The following CCDC83 variants were observed in gnomAD, a reference collection of about 807,000 sequenced individuals.
CCDC83 encodes the protein coiled-coil domain containing 83.
A neutral mutation model predicts 50.1 loss-of-function variants in CCDC83; 54 were observed. The ratio of observed to expected loss-of-function variants is 1.08; its 90% CI spans 0.87 to 1.35. CCDC83 has a LOEUF of 1.35. CCDC83 is among the 40% of genes most tolerant of loss of function. CCDC83 has a pLI of 0.00. For synonymous variants in CCDC83, 161 were observed against 153.3 expected (o/e 1.05, Z -0.37); for missense variants, 518 against 473.9 (o/e 1.09, Z -0.86).
intron 10 of CCDC83, 157 bp downstream of exon 10, chr11:85,916,390 C>A (rs1019607174): frequency 1.2e-5 from 8 of 646,254 alleles, no homozygotes; most frequent in East Asian, 2.8e-5. Context: ...CATTTGGATA[C>A]CATTTTCACT....
intron 5 of CCDC83, among the ~76,000 whole-genome samples, chr11:85,890,910 C>T (rs1402523408): frequency 6.6e-6 from 1 of 152,152 alleles, no homozygotes; most frequent in Non-Finnish European, 1.5e-5. Flanking sequence ...TTTTATTGAG[C>T]AGAAGTCAAT....
intron 3 of CCDC83, among the ~76,000 whole-genome samples, chr11:85,873,671 G>A (rs760137961): frequency 6.6e-6 from 1 of 152,122 alleles, no homozygotes; most frequent in Non-Finnish European, 1.5e-5. Flanking sequence ...TTTTCAGAGA[G>A]TATGCGTATG....
intron 2 of CCDC83, among the ~76,000 whole-genome samples, chr11:85,866,645 C>A (rs527991590): frequency 6.7e-6 from 1 of 149,552 alleles, no homozygotes; most frequent in African/African-American, 2.5e-5. Flanking sequence ...CAGAGAGGGA[C>A]CCTGTCTCAA....
chr11:85,911,238 G>A, intron 7 of CCDC83, 43 bp from the exon 8 acceptor site: 1 of 1,405,670 alleles, frequency 7.1e-7, no homozygotes, highest in South Asian at 1.5e-5. Flanking sequence ...TAATAGAACT[G>A]AATCAATAAG....
At position 85,883,049 on chromosome 11, in the gene CCDC83, C is replaced by G. The variant is rs372505326; in HGVS notation, c.343+374C>G. On this transcript the variant is annotated intron_variant, in intron 4 of 10. Transcript: ENST00000342404. The stretch of plus-strand genomic sequence containing the variant: ...CCTCCCACCTCAGCCTCCCAAGTAG[C>G]TGGGACTCCAGGTGCACACCACTAT... Among the ~76,000 whole-genome samples the G allele has an allele frequency of 5.6e-4, 86 of 152,244 alleles. 1 individual carries two copies. The highest frequency in any genetic ancestry group is 6.8e-3 in the Middle Eastern group (2 of 294).
At chr11:85,912,613 A>G in intron 8 of CCDC83, 1 of 1,262,548 alleles carries the variant, frequency 7.9e-7, no homozygotes, top group Non-Finnish European at 1.2e-6. Flanking sequence ...CCAGTAGGCA[A>G]TGCTCACTTT....
intron 7 of CCDC83, among the ~76,000 whole-genome samples, chr11:85,904,338 G>C (rs1163036343): frequency 6.6e-6 from 1 of 152,160 alleles, no homozygotes; most frequent in East Asian, 1.9e-4. Flanking sequence ...ATTCAGAGAA[G>C]TTTGAACTCT....
Position 85,873,277 on chromosome 11 carries a change from C to G in CCDC83, c.162C>G (p.Asn54Lys), listed in dbSNP as rs143615039. 20 of 1,490,824 alleles carry G rather than the reference C, an allele frequency of 1.3e-5. No homozygotes were observed. The Admixed American group carries it at 3.9e-4, about 29-fold the overall frequency. The allele number at this position is 1,490,824 out of a possible 1,614,324, so 92.3% of individuals were successfully genotyped here. A position where few individuals can be genotyped will look rare whatever the true frequency, so the allele number is the denominator to read the frequency against. The change falls in exon 3 of 11, where the codon AAC (asparagine) becomes AAG (lysine). Residue 54 changes from asparagine (N) to lysine (K), a missense_variant. Physicochemically the swap from Asn to Lys is moderately conservative, Grantham distance 94. Transcript: ENST00000342404. ...AAATAAAGACACTTAGGAAAAAGAA[C>G]CAAAAATATCATGAAAGAGTGAGTA... ...MFQIKTLRKK[N>K]QKYHERNSRL... is the part of the protein sequence containing the mutation.
chr11:85,911,251 C>T, intron 7 of CCDC83, 30 bp from the exon 8 acceptor site: 1 of 1,543,750 alleles, frequency 6.5e-7, no homozygotes, highest in South Asian at 1.3e-5. Flanking sequence ...TCAATAAGTA[C>T]CAACATTCAT....
In CCDC83 at chr11:85,886,383, A is replaced by T; in HGVS notation, c.511+16A>T. ...AAAATGTCAGGTCAGTTGCAACAAAACTAGTTCAAGTTCAGTAAAAAACAT... is the reference window on the plus strand; with the variant it reads ...AAAATGTCAGGTCAGTTGCAACAAATCTAGTTCAAGTTCAGTAAAAAACAT... On this transcript the variant is annotated intron_variant, in intron 5 of 10. Transcript: ENST00000342404. 6.4e-7 allele frequency: 1 copy of T among 1,566,126 alleles called. No homozygotes were observed. Among genetic ancestry groups the T allele is most frequent in the East Asian group, 2.3e-5 (1 of 43,762 alleles).
intron 1 of CCDC83, 23 bp from the exon 2 acceptor site, chr11:85,865,073 T>C (rs1338560906): frequency 7.9e-7 from 1 of 1,259,640 alleles, no homozygotes; most frequent in East Asian, 2.3e-5. Flanking sequence ...TTTTTCACTT[T>C]CGTATGTCTC....
chr11:85,917,134 A>AC (rs2093481005), intron 10 of CCDC83, among the ~76,000 whole-genome samples: 2 of 77,880 alleles, frequency 2.6e-5, no homozygotes, highest in Non-Finnish European at 4.7e-5. Flanking sequence ...AAGAAAAAGA[A>AC]AGAGAGAGAG....
intron 5 of CCDC83, among the ~76,000 whole-genome samples, chr11:85,894,880 T>A (rs1333318374): frequency 6.6e-6 from 1 of 152,234 alleles, no homozygotes; most frequent in Admixed American, 6.5e-5. Context: ...TCTCTAAGCA[T>A]CTTTCAAGGC....
rs910258255 is a variant in CCDC83 at position 85,855,464 on chromosome 11, A to G, written c.-149A>G. Reference sequence around the variant, plus strand: ...CCCACTCCTCTTCTCCACCCAGGAGATGAGAAGGAGGGCAGGCCTTTTTAA... The same window carrying G: ...CCCACTCCTCTTCTCCACCCAGGAGGTGAGAAGGAGGGCAGGCCTTTTTAA... On this transcript the variant is annotated 5_prime_UTR_variant, in exon 1 of 11. The change abolishes an upstream ATG in the 5' untranslated region. Coordinates refer to ENST00000342404, the MANE Select transcript of CCDC83 (RefSeq NM_001286159.2). 6.6e-6 allele frequency: 1 copy of G among 152,260 alleles called. No individual in the cohort carries two copies. Among genetic ancestry groups the G allele is most frequent in the African/African-American group, 2.4e-5 (1 of 41,460 alleles). 9.4% of individuals were successfully genotyped at this position (152,260 alleles called of 1,614,324 possible).
chr11:85,886,046 T>A (rs988822027), intron 4 of CCDC83, among the ~76,000 whole-genome samples, 154 bp from the exon 5 acceptor site: 1 of 152,168 alleles, frequency 6.6e-6, no homozygotes, highest in African/African-American at 2.4e-5. Flanking sequence ...AAACAACAGT[T>A]TGAATAGTTT....
intron 3 of CCDC83, 150 bp downstream of exon 3, chr11:85,873,445 T>C (rs889762881): frequency 2.3e-6 from 1 of 438,564 alleles, no homozygotes; most frequent in Admixed American, 4.4e-5. Flanking sequence ...AGTTTCTTTA[T>C]ACATGTGAGG....
rs11234470 is a variant in CCDC83, at chr11:85,905,923, C to T, written c.673-5358C>T. ...GGTGGAGCTTGCAGTGAGCTGAGAT[C>T]CTGCCACTGCACTCCAGCCTGGGCG... On this transcript the variant is annotated intron_variant, in intron 7 of 10. Coordinates refer to ENST00000342404, the MANE Select transcript of CCDC83 (RefSeq NM_001286159.2). Among the ~76,000 whole-genome samples the T allele has an allele frequency of 4.1e-3, 577 of 140,610 alleles. 23 individuals carry two copies. The East Asian group carries it at 0.11, about 27-fold the overall frequency. The allele number at this position is 140,610 out of a possible 152,430, so 92.2% of individuals were successfully genotyped here.
intron 1 of CCDC83, among the ~76,000 whole-genome samples, chr11:85,862,524 A>G (rs1473140365): frequency 6.6e-6 from 1 of 152,208 alleles, no homozygotes; most frequent in Non-Finnish European, 1.5e-5. Context: ...GTCTTGCCTC[A>G]TCTATACTTT....
At position 85,904,234 on chromosome 11, in the gene CCDC83, C is replaced by T. The variant is rs192315083; in HGVS notation, c.672+5219C>T. 5.3e-3 allele frequency among the ~76,000 whole-genome samples: 810 copies of T among 152,218 alleles called. 4 individuals are homozygous for T. The highest frequency in any genetic ancestry group is 9.3e-3 in the Non-Finnish European group (631 of 68,012). On this transcript the variant is annotated intron_variant, in intron 7 of 10. Coordinates refer to ENST00000342404, the MANE Select transcript of CCDC83 (RefSeq NM_001286159.2). Reference sequence around the variant, plus strand: ...AGGATACTAAGAGAGTTCTCATATACGCCACAACAGTTTCCTCTATTACTG... The same window carrying T: ...AGGATACTAAGAGAGTTCTCATATATGCCACAACAGTTTCCTCTATTACTG...
Sources: gnomAD v4.1 joint callset for allele counts (sites outside exome capture counted in the v4.1 genomes callset) on GRCh38, gnomAD v4.1.1 for gene constraint, MANE v1.5 for transcripts, NCBI Gene and HGNC (gene_info 2026-07-23, HGNC 2026-07-21) for gene names.